Variants in ZDHHC24 observed in about 807,000 individuals in gnomAD.
ZDHHC24 encodes zDHHC palmitoyltransferase 24, also known as probable palmitoyltransferase ZDHHC24.
In ZDHHC24, 17 loss-of-function variants were observed where a neutral mutation model predicts 23.2. The observed-to-expected ratio is 0.73, with a 90% CI of 0.50 to 1.10. The LOEUF (loss-of-function observed/expected upper bound fraction) is 1.10, where lower values mean the gene tolerates loss of function less well. ZDHHC24 is among the 50% of genes least tolerant of loss of function. The probability of loss-of-function intolerance (pLI) is 0.00; values close to 1 mark genes in which losing one functional copy is unlikely to be tolerated. For synonymous variants in ZDHHC24, 186 were observed against 194.5 expected, an observed-to-expected ratio of 0.96 and a Z score of 0.36; for missense variants, 366 against 393.0, an observed-to-expected ratio of 0.93 and a Z score of 0.58.
intron 4 of ZDHHC24, among the ~76,000 whole-genome samples, chr11:66,525,467 G>A (rs1199508701): frequency 5.3e-5 from 8 of 152,068 alleles, no homozygotes; most frequent in East Asian, 3.9e-4. Context: ...TGGGAAGGCC[G>A]AGGCAGAATC....
chr11:66,531,551 G>A, downstream of ZDHHC24: 1 of 1,463,968 alleles, frequency 6.8e-7, no homozygotes, highest in South Asian at 1.1e-5. Flanking sequence ...TGCCCACCCT[G>A]CAGGGGTGCT....
rs982235593 is a variant in ZDHHC24 at position 66,536,920 on chromosome 11, G to A, written c.*2609C>T. 6.6e-6 allele frequency: 1 copy of A among 151,892 alleles called. No homozygotes were observed. The highest frequency in any genetic ancestry group is 1.5e-5 in the Non-Finnish European group (1 of 67,968). 9.4% of individuals were successfully genotyped at this position (151,892 alleles called of 1,614,324 possible). On this transcript the variant is annotated 3_prime_UTR_variant, in exon 3 of 3. Coordinates refer to ENST00000310442, the MANE Select transcript of ZDHHC24 (RefSeq NM_207340.3). ...AAGAAAATAAGAAATTGTGGAGGGC[G>A]AGGGATGAAACAGGACAAGGTGAGT...
intron 4 of ZDHHC24, among the ~76,000 whole-genome samples, chr11:66,521,927 A>G (rs1045749977): frequency 3.3e-4 from 47 of 143,314 alleles, no homozygotes; most frequent in South Asian, 2.2e-4. Context: ...AAAAAAAAAA[A>G]GCAGGGGGGT....
At chr11:66,531,259 G>A (rs972753774), downstream of ZDHHC24, among the ~76,000 whole-genome samples, 3 of 152,148 alleles carry the variant, frequency 2.0e-5, no homozygotes, top group Non-Finnish European at 4.4e-5. Context: ...GGGTCTCCAC[G>A]AGCCATACAG....
chr11:66,530,280 G>T (rs1326970517), intron 2 of ZDHHC24, among the ~76,000 whole-genome samples: 2 of 152,180 alleles, frequency 1.3e-5, no homozygotes, highest in Admixed American at 1.3e-4. Flanking sequence ...GTACAAGGAA[G>T]AAGGCTGTCA....
At position 66,537,662 on chromosome 11, in the gene ZDHHC24, C is replaced by G. The variant is rs536093008; in HGVS notation, c.*1867G>C. 1 of 151,970 alleles carries G rather than the reference C, an allele frequency of 6.6e-6. No homozygotes were observed. Among genetic ancestry groups the G allele is most frequent in the South Asian group, 2.1e-4 (1 of 4,818 alleles). The allele number at this position is 151,970 out of a possible 1,614,324, so 9.4% of individuals were successfully genotyped here. ...CATCCTGGCCGGCCAGGAGTGGTGG[C>G]TCACACCTGTAATCCCAGCACTTTG... On this transcript the variant is annotated 3_prime_UTR_variant, in exon 3 of 3. Coordinates refer to ENST00000310442, the MANE Select transcript of ZDHHC24 (RefSeq NM_207340.3).
rs555915896 is a variant in ZDHHC24, at chr11:66,546,008, T to C, written c.-5A>G. On this transcript the variant is annotated 5_prime_UTR_variant, in exon 1 of 3. Coordinates refer to ENST00000310442, the MANE Select transcript of ZDHHC24 (RefSeq NM_207340.3). ...AGCCGCCCAGGGCTGCCCCATGGCC[T>C]GGACACCCAGCTGTCGGAGCCGGAG... 606 of 1,387,626 alleles carry C rather than the reference T, an allele frequency of 4.4e-4. 2 individuals carry two copies. In the African/African-American group the frequency reaches 7.0e-3, roughly 16 times the overall value. The allele number at this position is 1,387,626 out of a possible 1,614,324, so 86.0% of individuals were successfully genotyped here. A position where few individuals can be genotyped will look rare whatever the true frequency, so the allele number is the denominator to read the frequency against.
At chr11:66,534,405 T>A (rs545705503), downstream of ZDHHC24, among the ~76,000 whole-genome samples, 1 of 115,368 alleles carries the variant, frequency 8.7e-6, no homozygotes, top group Admixed American at 1.3e-4. Context: ...ATCGCGCCAC[T>A]ACACCACTCT....
downstream of ZDHHC24, chr11:66,532,409 TCTC>T: frequency 4.5e-6 from 1 of 221,182 alleles, no homozygotes; most frequent in East Asian, 9.6e-5. Context: ...ACATCACTCA[TCTC>T]CTGCTGCAGG....
chr11:66,539,915 T>C, intron 2 of ZDHHC24, 91 bp from the exon 3 acceptor site: 15 of 1,287,392 alleles, frequency 1.2e-5, no homozygotes, highest in Non-Finnish European at 1.6e-5. Context: ...CAGGGCTCAT[T>C]CCTCCGCTCA....
intron 2 of ZDHHC24, among the ~76,000 whole-genome samples, chr11:66,530,323 G>A (rs1475993585): frequency 6.6e-6 from 1 of 152,134 alleles, no homozygotes; most frequent in East Asian, 1.9e-4. Flanking sequence ...AACGTGTTAG[G>A]ACTGCTGGGT....
In ZDHHC24 at chr11:66,539,302, T is replaced by G. The variant is rs1857073801; in HGVS notation, c.*227A>C. ...TTTATTAACCTGGCAAAGGGGCAGC[T>G]AGGCGGCCTGAGCAGCCCCTGCCAG... On this transcript the variant is annotated 3_prime_UTR_variant, in exon 3 of 3. Coordinates refer to ENST00000310442, the MANE Select transcript of ZDHHC24 (RefSeq NM_207340.3). 1.5e-5 allele frequency: 19 copies of G among 1,254,100 alleles called. No homozygotes were observed. The highest frequency in any genetic ancestry group is 1.9e-5 in the Non-Finnish European group (19 of 1,001,868). 77.7% of individuals were successfully genotyped at this position (1,254,100 alleles called of 1,614,324 possible).
chr11:66,523,859 C>G, intron 4 of ZDHHC24: 1 of 1,613,514 alleles, frequency 6.2e-7, no homozygotes. Flanking sequence ...TGACAAGGCC[C>G]TGCTCAATGT....
intron 2 of ZDHHC24, chr11:66,529,989 G>A: frequency 6.3e-7 from 1 of 1,581,034 alleles, no homozygotes; most frequent in Non-Finnish European, 8.5e-7. Flanking sequence ...AGGGCCAGAG[G>A]GGCAGAGGCC....
At chr11:66,531,782 C>G (rs1342608101), downstream of ZDHHC24, 1 of 1,613,798 alleles carries the variant, frequency 6.2e-7, no homozygotes, top group Admixed American at 1.7e-5. Flanking sequence ...GTGAGCAGGA[C>G]CCTGGGGAGG....
At position 66,545,726 on chromosome 11, in the gene ZDHHC24, C is replaced by G; in HGVS notation, c.278G>C (p.Trp93Ser). ...MLAGRGLGQGWAYCYQCQSQV... is the reference protein window; with the variant it reads ...MLAGRGLGQGSAYCYQCQSQV... The stretch of plus-strand genomic sequence containing the variant: ...CCCGATCCCGCACCCCACTCACGCC[C>G]AGCCCTGGCCCAGACCGCGGCCGGC... The change falls in exon 1 of 3, where the codon TGG becomes TCG. Residue 93 changes from tryptophan (W) to serine (S), a missense_variant. Trp to Ser is a radical substitution (Grantham distance 177, BLOSUM62 -3). Coordinates refer to ENST00000310442, the MANE Select transcript of ZDHHC24 (RefSeq NM_207340.3). The surrounding 1 kb of genome is among the most constrained non-coding windows in gnomAD (Gnocchi z 4.5). 1 of 1,557,136 alleles carries G rather than the reference C, an allele frequency of 6.4e-7. No individual in the cohort carries two copies. Among genetic ancestry groups the G allele is most frequent in the Non-Finnish European group, 8.6e-7 (1 of 1,158,160 alleles).
intron 2 of ZDHHC24, among the ~76,000 whole-genome samples, chr11:66,529,646 G>A (rs1000884600): frequency 2.0e-5 from 3 of 151,712 alleles, no homozygotes; most frequent in Non-Finnish European, 4.4e-5. Flanking sequence ...CCACGGCGTC[G>A]AGTTTTGCCA....
At chr11:66,529,729 C>T in intron 2 of ZDHHC24, 1 of 1,531,846 alleles carries the variant, frequency 6.5e-7, no homozygotes, top group Non-Finnish European at 8.9e-7. Context: ...TGCACCCTCC[C>T]CACACCAACC....
Position 66,545,738 on chromosome 11 carries a change from A to G in ZDHHC24, c.266T>C (p.Leu89Pro). 6.3e-7 allele frequency: 1 copy of G among 1,581,888 alleles called. No individual in the cohort carries two copies. Among genetic ancestry groups the G allele is most frequent in the Non-Finnish European group, 8.6e-7 (1 of 1,169,446 alleles). ...IRGVMLAGRGLGQGWAYCYQC... is the reference protein window; with the variant it reads ...IRGVMLAGRGPGQGWAYCYQC... The stretch of plus-strand genomic sequence containing the variant: ...CCCCACTCACGCCCAGCCCTGGCCC[A>G]GACCGCGGCCGGCCAGCATCACGCC... The change falls in exon 1 of 3, where the codon CTG becomes CCG. Residue 89 changes from leucine to proline, a missense_variant. Physicochemically the swap from Leu to Pro is moderately conservative, Grantham distance 98 (BLOSUM62 -3). Transcript: ENST00000310442. The surrounding 1 kb of genome is among the most constrained non-coding windows in gnomAD (Gnocchi z 4.5).
Sources: allele counts gnomAD v4.1 joint callset (sites outside exome capture counted in the v4.1 genomes callset), GRCh38; gene constraint gnomAD v4.1.1; non-coding constraint Gnocchi (gnomAD v3.1); transcripts MANE v1.5; gene names NCBI Gene and HGNC (gene_info 2026-07-23, HGNC 2026-07-21).